Variants in CLMN observed in about 807,000 individuals in gnomAD.
CLMN encodes calmin, also known as calmin (calponin-like, transmembrane).
In CLMN, 57 loss-of-function variants were observed where a neutral mutation model predicts 92.7. That is an observed-to-expected ratio of 0.61 (90% CI 0.50 to 0.77). The LOEUF is 0.77. Among genes scored for constraint, CLMN ranks in the 30% least tolerant of loss-of-function variants. The probability of loss-of-function intolerance (pLI) is 0.00; values close to 1 mark genes in which losing one functional copy is unlikely to be tolerated. For synonymous variants in CLMN, 466 were observed against 470.6 expected (o/e 0.99, Z 0.13); for missense variants, 1,158 against 1,237.5 (o/e 0.94, Z 0.96).
intron 1 of CLMN, among the ~76,000 whole-genome samples, chr14:95,230,950 G>C (rs1031668430): frequency 6.6e-6 from 1 of 152,234 alleles, no homozygotes; most frequent in East Asian, 1.9e-4. Flanking sequence ...ACCCAAAGAG[G>C]CTTCTTAGCA....
chr14:95,225,441 A>G (rs1897680699), intron 2 of CLMN, among the ~76,000 whole-genome samples: 1 of 152,202 alleles, frequency 6.6e-6, no homozygotes, highest in African/African-American at 2.4e-5. Context: ...ATGCAATGAG[A>G]TCATGCAGGT....
Position 95,245,219 on chromosome 14 carries a change from T to C in CLMN, c.83-15086A>G, listed in dbSNP as rs1229547913. Among the ~76,000 whole-genome samples the C allele has an allele frequency of 7.0e-3, 208 of 29,816 alleles. 21 individuals are homozygous for C. The highest frequency in any genetic ancestry group is 8.6e-3 in the Non-Finnish European group (169 of 19,660). The allele number at this position is 29,816 out of a possible 152,430, so 19.6% of individuals were successfully genotyped here. ...AATATATATATATATTATATATATA[T>C]ATATATTATATATATATATTATATA... is the stretch of plus-strand genomic sequence containing the variant. On this transcript the variant is annotated intron_variant, in intron 1 of 12. Transcript: ENST00000298912.
intron 1 of CLMN, among the ~76,000 whole-genome samples, chr14:95,306,330 G>A (rs10137394): frequency 0.088 from 13,357 of 152,074 alleles, 808 homozygotes; most frequent in African/African-American, 0.17. Context: ...TGGCCTACAC[G>A]GTGAAACCCC....
chr14:95,217,422 G>A (rs927597646), intron 4 of CLMN, among the ~76,000 whole-genome samples: 2 of 152,156 alleles, frequency 1.3e-5, no homozygotes, highest in Non-Finnish European at 2.9e-5. Flanking sequence ...TTCCCAAGCT[G>A]CAGTCTGTTT....
At chr14:95,246,888 T>C (rs748204465) in intron 1 of CLMN, among the ~76,000 whole-genome samples, 6 of 152,330 alleles carry the variant, frequency 3.9e-5, no homozygotes, top group East Asian at 3.9e-4. Flanking sequence ...TTTAGATCAC[T>C]CATTTCCCAG....
intron 1 of CLMN, among the ~76,000 whole-genome samples, chr14:95,305,875 T>C (rs1372424112): frequency 6.6e-6 from 1 of 152,156 alleles, no homozygotes; most frequent in Non-Finnish European, 1.5e-5. Flanking sequence ...AGGCAGACAG[T>C]GGAGCAAGGA....
intron 1 of CLMN, among the ~76,000 whole-genome samples, chr14:95,318,190 A>G (rs567842680): frequency 3.9e-5 from 6 of 152,358 alleles, no homozygotes; most frequent in African/African-American, 1.4e-4. Context: ...GTTGCCTAAG[A>G]CAGACAGGTA....
intron 1 of CLMN, among the ~76,000 whole-genome samples, chr14:95,291,380 G>A (rs1352598491): frequency 6.6e-6 from 1 of 152,240 alleles, no homozygotes; most frequent in Non-Finnish European, 1.5e-5. Context: ...GCGTCTCGGG[G>A]CTGGCTAATA....
At chr14:95,311,570 A>C (rs1266746002) in intron 1 of CLMN, among the ~76,000 whole-genome samples, 1 of 152,182 alleles carries the variant, frequency 6.6e-6, no homozygotes, top group South Asian at 2.1e-4. Flanking sequence ...CCTTGGGGAC[A>C]CTGGACCACA....
At chr14:95,198,699 TC>T (rs1896793512) in intron 9 of CLMN, among the ~76,000 whole-genome samples, 2 of 152,052 alleles carry the variant, frequency 1.3e-5, no homozygotes, top group South Asian at 4.2e-4. Flanking sequence ...AATCTAGATC[TC>T]CCGATTCTAC....
chr14:95,223,960 A>T (rs1189501341), intron 2 of CLMN, 105 bp from the exon 3 acceptor site: 1 of 792,598 alleles, frequency 1.3e-6, no homozygotes, highest in Non-Finnish European at 2.0e-6. Flanking sequence ...CCAAACATCC[A>T]GCTCTGTTTA....
intron 1 of CLMN, 139 bp from the exon 2 acceptor site, chr14:95,230,272 G>T (rs1250518702): frequency 1.3e-6 from 1 of 761,960 alleles, no homozygotes; most frequent in East Asian, 2.6e-5. Context: ...GGCCTTTCTG[G>T]AAGGGGTTGG....
intron 1 of CLMN, among the ~76,000 whole-genome samples, chr14:95,297,811 GCACACA>G (rs3219870): frequency 0.014 from 2,055 of 145,074 alleles, 24 homozygotes; most frequent in East Asian, 0.033. Context: ...AATATGGCAG[GCACACA>G]CACACACACA....
chr14:95,310,866 G>C (rs1003058098), intron 1 of CLMN, among the ~76,000 whole-genome samples: 4 of 152,238 alleles, frequency 2.6e-5, no homozygotes, highest in African/African-American at 9.6e-5. Flanking sequence ...TGCAGCTGTG[G>C]CCCAGTTCCT....
At chr14:95,313,743 A>G (rs981289844) in intron 1 of CLMN, among the ~76,000 whole-genome samples, 6 of 152,240 alleles carry the variant, frequency 3.9e-5, no homozygotes, top group Admixed American at 2.0e-4. Context: ...AAAGACAATT[A>G]CTTTATTTTT....
intron 1 of CLMN, among the ~76,000 whole-genome samples, chr14:95,308,876 T>G (rs894214012): frequency 6.6e-6 from 1 of 152,110 alleles, no homozygotes; most frequent in African/African-American, 2.4e-5. Context: ...GGCCATATAT[T>G]TGGAATATTA....
chr14:95,253,617 G>GTTT (rs543744071), intron 1 of CLMN, among the ~76,000 whole-genome samples: 3 of 140,074 alleles, frequency 2.1e-5, no homozygotes, highest in South Asian at 2.2e-4. Context: ...TTGTTTTTTT[G>GTTT]TTTTTTTTTT....
chr14:95,280,187 T>C (rs1426142982), intron 1 of CLMN, among the ~76,000 whole-genome samples: 2 of 152,206 alleles, frequency 1.3e-5, no homozygotes, highest in Non-Finnish European at 2.9e-5. Flanking sequence ...CTTAGACCAT[T>C]GGTCTGTGCT....
At chr14:95,202,079 T>A (rs1020761310) in intron 9 of CLMN, among the ~76,000 whole-genome samples, 3 of 152,210 alleles carry the variant, frequency 2.0e-5, no homozygotes, top group Admixed American at 6.5e-5. Flanking sequence ...TGATTTATAT[T>A]CCTTTGGGCA....
Sources: allele counts gnomAD v4.1 joint callset (sites outside exome capture counted in the v4.1 genomes callset), GRCh38; gene constraint gnomAD v4.1.1; transcripts MANE v1.5; gene names NCBI Gene and HGNC (gene_info 2026-07-23, HGNC 2026-07-21).